OPHN1: variants seen among roughly 807,000 people sequenced by gnomAD.
The protein encoded by OPHN1 is oligophrenin-1.
OPHN1 carries 11 observed loss-of-function variants against 60.7 expected under a neutral mutation model. The ratio of observed to expected loss-of-function variants is 0.18; its 90% CI spans 0.11 to 0.30. The LOEUF is 0.30. Ranked by LOEUF, OPHN1 falls within the 10% of genes least tolerant of loss-of-function variation. The probability of loss-of-function intolerance (pLI) is 1.00; values close to 1 mark genes in which losing one functional copy is unlikely to be tolerated. For synonymous variants in OPHN1, 226 were observed against 222.6 expected (o/e 1.02, Z -0.14); for missense variants, 449 against 611.0 (o/e 0.73, Z 2.80).
intron 20 of OPHN1, among the ~76,000 whole-genome samples, chrX:68,067,681 G>A (rs1194399638): frequency 1.8e-5 from 2 of 111,187 alleles, no homozygotes; most frequent in South Asian, 3.9e-4. Flanking sequence ...TCAGAAAAGA[G>A]AGGCAGATTC....
chrX:68,313,657 T>C (rs1162695599), intron 2 of OPHN1, among the ~76,000 whole-genome samples: 1 of 111,358 alleles, frequency 9.0e-6, no homozygotes, highest in Admixed American at 9.6e-5. Flanking sequence ...ATTGAACTCA[T>C]GAAGATGGAG....
At chrX:68,194,755 G>A (rs1308298852) in intron 12 of OPHN1, among the ~76,000 whole-genome samples, 2 of 110,099 alleles carry the variant, frequency 1.8e-5, no homozygotes, top group Non-Finnish European at 3.8e-5. Flanking sequence ...GATCACTTGA[G>A]GTCAGGAGTT....
At chrX:68,099,233 A>C (rs1361455238) in intron 18 of OPHN1, among the ~76,000 whole-genome samples, 1 of 111,662 alleles carries the variant, frequency 9.0e-6, no homozygotes, top group Admixed American at 9.6e-5. Context: ...GATAAGTAAC[A>C]TTCCAAATTG....
At chrX:68,089,772 G>A (rs1159051542) in intron 19 of OPHN1, among the ~76,000 whole-genome samples, 1 of 111,532 alleles carries the variant, frequency 9.0e-6, no homozygotes, top group Admixed American at 9.6e-5. Flanking sequence ...GTTTGGACAT[G>A]CTTATTCACC....
At chrX:68,158,796 C>T (rs1237421321) in intron 15 of OPHN1, among the ~76,000 whole-genome samples, 1 of 111,897 alleles carries the variant, frequency 8.9e-6, no homozygotes, top group Non-Finnish European at 1.9e-5. Context: ...GTTACAAAAG[C>T]TCTATGGAGG....
chrX:68,227,283 C>T (rs953074385), intron 6 of OPHN1, among the ~76,000 whole-genome samples: 1 of 110,847 alleles, frequency 9.0e-6, no homozygotes, highest in Middle Eastern at 4.2e-3. Context: ...GAGAAAGAGA[C>T]CTAGACTCCC....
At chrX:68,416,631 A>G (rs765881087) in intron 2 of OPHN1, among the ~76,000 whole-genome samples, 2 of 111,806 alleles carry the variant, frequency 1.8e-5, no homozygotes, top group South Asian at 7.5e-4. Context: ...TCAAACAGGA[A>G]AACACCTCAT....
intron 15 of OPHN1, among the ~76,000 whole-genome samples, chrX:68,160,585 T>C (rs1415301672): frequency 1.8e-5 from 2 of 111,687 alleles, no homozygotes; most frequent in Non-Finnish European, 3.8e-5. Context: ...AAGTATGTTC[T>C]CTGAGCACAT....
At chrX:68,349,577 T>G (rs899755279) in intron 2 of OPHN1, among the ~76,000 whole-genome samples, 12 of 112,016 alleles carry the variant, frequency 1.1e-4, no homozygotes, top group Admixed American at 9.5e-4. Flanking sequence ...CAAAGGATTA[T>G]AAATCATTCT....
At chrX:68,342,130 C>T (rs55836107) in intron 2 of OPHN1, among the ~76,000 whole-genome samples, 2 of 108,483 alleles carry the variant, frequency 1.8e-5, no homozygotes, top group African/African-American at 3.3e-5. Flanking sequence ...CCACCATGCC[C>T]GGCTGATTTT....
chrX:68,274,274 C>T (rs1032395582), intron 5 of OPHN1, among the ~76,000 whole-genome samples: 1 of 112,012 alleles, frequency 8.9e-6, no homozygotes, highest in Non-Finnish European at 1.9e-5. Flanking sequence ...GGGGAAAATG[C>T]CAGAAGCACA....
chrX:68,351,879 T>TC (rs1442297502), intron 2 of OPHN1, among the ~76,000 whole-genome samples: 1 of 85,634 alleles, frequency 1.2e-5, no homozygotes, highest in African/African-American at 4.4e-5. Flanking sequence ...TTTTCTTTTT[T>TC]TTTTTTTTTT....
intron 3 of OPHN1, among the ~76,000 whole-genome samples, chrX:68,290,141 T>G (rs1215716230): frequency 9.0e-6 from 1 of 111,680 alleles, no homozygotes; most frequent in Non-Finnish European, 1.9e-5. Context: ...GTATAAATTT[T>G]AAAGTCAAAA....
chrX:68,220,268 C>T (rs1185832851), intron 6 of OPHN1, among the ~76,000 whole-genome samples: 24 of 106,825 alleles, frequency 2.2e-4, no homozygotes, highest in Non-Finnish European at 3.9e-5. Context: ...ATAACAGGAG[C>T]TGAAATTGTG....
At chrX:68,432,068 C>A (rs944229399) in intron 2 of OPHN1, among the ~76,000 whole-genome samples, 8 of 110,587 alleles carry the variant, frequency 7.2e-5, no homozygotes, top group African/African-American at 2.6e-4. Flanking sequence ...AGAAAAAAAA[C>A]CTCCACACAC....
At chrX:68,075,640 G>C (rs1419258138) in intron 19 of OPHN1, among the ~76,000 whole-genome samples, 1 of 110,804 alleles carries the variant, frequency 9.0e-6, no homozygotes, top group East Asian at 2.8e-4. Flanking sequence ...GTCAAGATAG[G>C]TGAATAGATC....
In OPHN1 at chrX:68,193,968, GAA is replaced by G. The variant is rs771609516; in HGVS notation, c.1139-18_1139-17del. 5 of 1,187,192 alleles carry G rather than the reference GAA, an allele frequency of 4.2e-6. No homozygotes were observed. Among genetic ancestry groups the G allele is most frequent in the African/African-American group, 1.8e-5 (1 of 56,744 alleles). ...TTTAGCTCCACTGTTTCAAGCAAAG[GAA>G]AAGAGTTAGATCCTGCTGCAACAGG... On this transcript the variant is annotated splice_polypyrimidine_tract_variant and intron_variant, in intron 13 of 24. Coordinates refer to ENST00000355520, the MANE Select transcript of OPHN1 (RefSeq NM_002547.3).
intron 5 of OPHN1, among the ~76,000 whole-genome samples, chrX:68,236,040 G>A (rs753789125): frequency 9.0e-6 from 1 of 111,379 alleles, no homozygotes; most frequent in African/African-American, 3.3e-5. Flanking sequence ...AGCAGATATT[G>A]TAAAGGAAAT....
At chrX:68,072,759 A>G (rs1266132135) in intron 20 of OPHN1, among the ~76,000 whole-genome samples, 1 of 112,069 alleles carries the variant, frequency 8.9e-6, no homozygotes, top group Non-Finnish European at 1.9e-5. Context: ...CAAGCAATGT[A>G]TCTTAATTTC....
Sources: allele counts gnomAD v4.1 joint callset (sites outside exome capture counted in the v4.1 genomes callset), GRCh38; gene constraint gnomAD v4.1.1; transcripts MANE v1.5; gene names NCBI Gene and HGNC (gene_info 2026-07-23, HGNC 2026-07-21).